The following FXN variants were observed in gnomAD, a reference collection of about 807,000 sequenced individuals.
FXN encodes frataxin, also known as frataxin, mitochondrial.
A neutral mutation model predicts 22.4 loss-of-function variants in FXN; 14 were observed. The observed-to-expected ratio is 0.62, with a 90% CI of 0.41 to 0.98. The LOEUF is 0.98. Ranked by LOEUF, FXN falls within the 50% of genes least tolerant of loss-of-function variation. The probability of loss-of-function intolerance (pLI) is 0.00; values close to 1 mark genes in which losing one functional copy is unlikely to be tolerated. For missense variants in FXN, 267 were observed against 268.4 expected (o/e 0.99, Z 0.04); for synonymous variants, 120 against 114.1 (o/e 1.05, Z -0.33).
At chr9:69,038,781 T>C (rs138987545) in intron 1 of FXN, among the ~76,000 whole-genome samples, 12 of 152,104 alleles carry the variant, frequency 7.9e-5, no homozygotes, top group African/African-American at 2.4e-4. Context: ...TTTTGGGGGA[T>C]TCTGTGACAT....
chr9:69,076,956 C>G lies in FXN; in HGVS notation c.*4194C>G, dbSNP rs1387331046. On this transcript the variant is annotated 3_prime_UTR_variant, in exon 5 of 5. Coordinates refer to ENST00000484259, the MANE Select transcript of FXN (RefSeq NM_000144.5). ...TTGAGACAGAGTCTTGCTCTGTCACCCAGGCTGGAGTGCAGTGGCACGATC... is the reference window on the plus strand; with the variant it reads ...TTGAGACAGAGTCTTGCTCTGTCACGCAGGCTGGAGTGCAGTGGCACGATC... The G allele has an allele frequency of 1.0e-6, 1 of 961,010 alleles. No homozygotes were observed. Among genetic ancestry groups the G allele is most frequent in the Non-Finnish European group, 1.2e-6 (1 of 807,790 alleles). 59.5% of individuals were successfully genotyped at this position (961,010 alleles called of 1,614,324 possible).
chr9:69,048,623 A>G (rs1180021756), intron 2 of FXN, among the ~76,000 whole-genome samples: 6 of 151,884 alleles, frequency 4.0e-5, no homozygotes, highest in African/African-American at 1.5e-4. Flanking sequence ...GAAAAAAAAA[A>G]GGCCTTAGAT....
At chr9:69,072,303 G>A (rs1486614605) in intron 4 of FXN, among the ~76,000 whole-genome samples, 1 of 152,192 alleles carries the variant, frequency 6.6e-6, no homozygotes, top group Non-Finnish European at 1.5e-5. Flanking sequence ...TTAAAACACT[G>A]CTCCAGCATA....
At chr9:69,053,512 GATAGATAGATA>G (rs1564333685) in intron 3 of FXN, among the ~76,000 whole-genome samples, 4 of 145,138 alleles carry the variant, frequency 2.8e-5, no homozygotes, top group African/African-American at 1.1e-4. Context: ...TGGATGGATA[GATAGATAGATA>G]GATAGATAGA....
At chr9:69,037,710 T>G (rs1831589415) in intron 1 of FXN, among the ~76,000 whole-genome samples, 2 of 152,196 alleles carry the variant, frequency 1.3e-5, no homozygotes. Flanking sequence ...TTCCCTCTTG[T>G]TGCCCAGGCT....
chr9:69,043,773 G>A (rs76551113), intron 1 of FXN, among the ~76,000 whole-genome samples: 4 of 152,210 alleles, frequency 2.6e-5, no homozygotes, highest in East Asian at 3.9e-4. Context: ...TAGTAGAGGC[G>A]GGGTTTCACC....
chr9:69,047,810 C>T (rs892041150), intron 2 of FXN, among the ~76,000 whole-genome samples: 14 of 152,064 alleles, frequency 9.2e-5, no homozygotes, highest in Non-Finnish European at 1.9e-4. Flanking sequence ...CTCCGCCTCC[C>T]GGGTTCAAGC....
chr9:69,045,634 ATTAT>A (rs1390984726), intron 1 of FXN, among the ~76,000 whole-genome samples: 1 of 152,142 alleles, frequency 6.6e-6, no homozygotes, highest in African/African-American at 2.4e-5. Context: ...CTTCAGCATG[ATTAT>A]TTAACCAAAA....
At chr9:69,068,219 T>C (rs1320377937) in intron 4 of FXN, among the ~76,000 whole-genome samples, 1 of 152,234 alleles carries the variant, frequency 6.6e-6, no homozygotes, top group African/African-American at 2.4e-5. Flanking sequence ...CTAGCTGTGC[T>C]GTAGGGCCAG....
At chr9:69,065,150 C>G (rs1832146435) in intron 4 of FXN, 115 bp downstream of exon 4, 1 of 796,940 alleles carries the variant, frequency 1.3e-6, no homozygotes, top group Admixed American at 2.0e-5. Flanking sequence ...CCTGTAATCC[C>G]AACACTTTGA....
At chr9:69,057,504 A>G (rs547296845) in intron 3 of FXN, among the ~76,000 whole-genome samples, 55 of 152,280 alleles carry the variant, frequency 3.6e-4, no homozygotes, top group Non-Finnish European at 5.7e-4. Context: ...ATTATTTCTA[A>G]CAAATCATTT....
intron 3 of FXN, among the ~76,000 whole-genome samples, chr9:69,055,272 C>A (rs116053421): frequency 0.016 from 2,371 of 152,254 alleles, 59 homozygotes; most frequent in African/African-American, 0.053. Flanking sequence ...GGCCTTCTCT[C>A]CCCTAGCCTC....
chr9:69,065,403 TG>T (rs1318699388), intron 4 of FXN, among the ~76,000 whole-genome samples: 2 of 152,010 alleles, frequency 1.3e-5, no homozygotes, highest in Non-Finnish European at 2.9e-5. Flanking sequence ...TAGCCAGGTG[TG>T]GTGGCACACG....
At chr9:69,060,304 G>C (rs3793460) in intron 3 of FXN, among the ~76,000 whole-genome samples, 64,936 of 150,870 alleles carry the variant, frequency 0.43, 14,159 homozygotes, top group East Asian at 0.56. Flanking sequence ...CCGGGAGGCA[G>C]AGCTTGCAGT....
Position 69,073,394 on chromosome 9 carries a change from A to G in FXN, c.*632A>G. The G allele has an allele frequency of 1.0e-6, 1 of 986,506 alleles. No homozygotes were observed. The highest frequency in any genetic ancestry group is 1.2e-6 in the Non-Finnish European group (1 of 830,720). The allele number at this position is 986,506 out of a possible 1,614,324, so 61.1% of individuals were successfully genotyped here. On this transcript the variant is annotated 3_prime_UTR_variant, in exon 5 of 5. Coordinates refer to ENST00000484259, the MANE Select transcript of FXN (RefSeq NM_000144.5). ...TGCTGTTTCTCCCACATATTCACAT[A>G]CGTGTCTGTGTGTATATATATTTTT...
At chr9:69,058,601 A>T (rs1038272759) in intron 3 of FXN, among the ~76,000 whole-genome samples, 29 of 82,284 alleles carry the variant, frequency 3.5e-4, no homozygotes, top group Admixed American at 2.9e-3. Context: ...CTCACCTGTT[A>T]AAAAAAAAAA....
At chr9:69,056,345 G>A (rs1831958885) in intron 3 of FXN, among the ~76,000 whole-genome samples, 1 of 152,238 alleles carries the variant, frequency 6.6e-6, no homozygotes, top group Non-Finnish European at 1.5e-5. Flanking sequence ...ATATTCAACA[G>A]ATTATGGGAG....
In FXN at chr9:69,077,545, T is replaced by C. The variant is rs1587835179; in HGVS notation, c.*4783T>C. ...TCAGACCTCTGAGGCCCCATCCAGG[T>C]AGAAGTACTAGTGCAAGAAGGGCCT... On this transcript the variant is annotated 3_prime_UTR_variant, in exon 5 of 5. Coordinates refer to ENST00000484259, the MANE Select transcript of FXN (RefSeq NM_000144.5). The C allele has an allele frequency of 7.1e-6, 7 of 985,446 alleles. No homozygotes were observed. Among genetic ancestry groups the C allele is most frequent in the African/African-American group, 1.7e-5 (1 of 57,376 alleles). 61.0% of individuals were successfully genotyped at this position (985,446 alleles called of 1,614,324 possible).
chr9:69,061,569 G>A, intron 3 of FXN, among the ~76,000 whole-genome samples: 1 of 151,840 alleles, frequency 6.6e-6, no homozygotes, highest in Non-Finnish European at 1.5e-5. Flanking sequence ...TGCACAATGT[G>A]CAGGTTAGTT....
Sources: gnomAD v4.1 joint callset for allele counts (sites outside exome capture counted in the v4.1 genomes callset) on GRCh38, gnomAD v4.1.1 for gene constraint, MANE v1.5 for transcripts, NCBI Gene and HGNC (gene_info 2026-07-23, HGNC 2026-07-21) for gene names.